Variants in CAMTA1 observed in about 807,000 individuals in gnomAD.
CAMTA1 encodes calmodulin binding transcription activator 1.
Under a neutral mutation model 170.9 loss-of-function variants are expected in CAMTA1, and 27 were observed. The observed-to-expected ratio is 0.16, with a 90% confidence interval of 0.12 to 0.22. The LOEUF is 0.22. Ranked by LOEUF, CAMTA1 falls within the 10% of genes least tolerant of loss-of-function variation. The probability of loss-of-function intolerance (pLI) is 1.00; values close to 1 mark genes in which losing one functional copy is unlikely to be tolerated. For missense variants in CAMTA1, 1,619 were observed against 2,217.2 expected (o/e 0.73, Z 5.42); for synonymous variants, 833 against 891.5 (o/e 0.93, Z 1.17).
At chr1:7,625,709 G>A (rs142784092) in intron 6 of CAMTA1, among the ~76,000 whole-genome samples, 145 of 152,362 alleles carry the variant, frequency 9.5e-4, no homozygotes, top group Middle Eastern at 3.4e-3. Context: ...AGGATGTGGC[G>A]ATGAAGATGG....
At chr1:7,404,278 GC>G (rs1290742555) in intron 5 of CAMTA1, among the ~76,000 whole-genome samples, 2 of 152,196 alleles carry the variant, frequency 1.3e-5, no homozygotes, top group Non-Finnish European at 2.9e-5. Flanking sequence ...CCCGGAAGAT[GC>G]CTTTGTACTT....
intron 6 of CAMTA1, among the ~76,000 whole-genome samples, chr1:7,477,629 GAA>G (rs1244206923): frequency 6.6e-6 from 1 of 152,186 alleles, no homozygotes; most frequent in African/African-American, 2.4e-5. Context: ...TCCTCTCTGA[GAA>G]AAGTCACTGG....
intron 4 of CAMTA1, among the ~76,000 whole-genome samples, chr1:7,109,243 A>G (rs1643875226): frequency 6.6e-6 from 1 of 152,222 alleles, no homozygotes; most frequent in African/African-American, 2.4e-5. Context: ...AGCTGACCCA[A>G]AAGGGTGTGG....
chr1:7,434,971 G>A (rs778841838), intron 5 of CAMTA1, among the ~76,000 whole-genome samples: 87 of 151,976 alleles, frequency 5.7e-4, no homozygotes, highest in Non-Finnish European at 1.1e-3. Flanking sequence ...AGGATCACCT[G>A]AGCCCAGGAG....
rs182280474 is a variant in CAMTA1, at chr1:7,617,705, C to T, written c.511-22695C>T. On this transcript the variant is annotated intron_variant, in intron 6 of 22. Transcript: ENST00000303635. Reference sequence around the variant, plus strand: ...GTCATGCACACCCACCCCCCCACCCCCATGCATACACATAAGGTCTAAGGT... The same window carrying T: ...GTCATGCACACCCACCCCCCCACCCTCATGCATACACATAAGGTCTAAGGT... Among the ~76,000 whole-genome samples, 350 of 148,110 alleles carry T rather than the reference C, an allele frequency of 2.4e-3. 1 individual carries two copies. The highest frequency in any genetic ancestry group is 8.5e-3 in the African/African-American group (340 of 40,008).
chr1:6,836,531 C>T (rs1404393300), intron 3 of CAMTA1, among the ~76,000 whole-genome samples: 2 of 152,178 alleles, frequency 1.3e-5, no homozygotes, highest in Middle Eastern at 3.4e-3. Context: ...ACTGGGAGGC[C>T]CTTCAGCTCT....
intron 5 of CAMTA1, among the ~76,000 whole-genome samples, chr1:7,417,133 G>T (rs1320748740): frequency 6.6e-6 from 1 of 152,240 alleles, no homozygotes; most frequent in South Asian, 2.1e-4. Flanking sequence ...TCGTTCCTCT[G>T]GAAGTTTTGT....
chr1:7,198,518 C>T (rs985296181), intron 4 of CAMTA1, among the ~76,000 whole-genome samples: 5 of 152,058 alleles, frequency 3.3e-5, no homozygotes, highest in Non-Finnish European at 5.9e-5. Context: ...GTCTCAGCAG[C>T]CCTGGGTGCT....
intron 5 of CAMTA1, chr1:7,389,293 C>T: frequency 1.2e-5 from 1 of 82,230 alleles, no homozygotes. Flanking sequence ...CCCATGGGCT[C>T]AGTCAGTGCT....
intron 5 of CAMTA1, among the ~76,000 whole-genome samples, chr1:7,329,955 C>T (rs938774744): frequency 2.6e-5 from 4 of 152,190 alleles, no homozygotes; most frequent in Admixed American, 2.0e-4. Flanking sequence ...ACCCTCCAGG[C>T]CCATGCTCAT....
intron 5 of CAMTA1, among the ~76,000 whole-genome samples, chr1:7,266,258 G>T (rs1319293258): frequency 6.6e-6 from 1 of 152,212 alleles, no homozygotes; most frequent in African/African-American, 2.4e-5. Flanking sequence ...GCCTGGCCAT[G>T]TGCCAGGGTG....
intron 4 of CAMTA1, among the ~76,000 whole-genome samples, chr1:7,239,156 T>C (rs536073452): frequency 6.6e-6 from 1 of 152,236 alleles, no homozygotes; most frequent in Non-Finnish European, 1.5e-5. Flanking sequence ...CTGTATAATT[T>C]CATCAGTAAA....
Position 7,680,861 on chromosome 1 carries a change from C to CGCGCCAGCAGCAGCAGCAGCAGCAGCAG in CAMTA1, c.2914+3128_2914+3129insGCGCCAGCAGCAGCAGCAGCAGCAGCAG, listed in dbSNP as rs1553247057. ...GAGAACACGCGCGCGCGCGCGCGCG[C>CGCGCCAGCAGCAGCAGCAGCAGCAGCAG]CAGCAGCAGCAGCAGCAGCAGCTGC... is the stretch of plus-strand genomic sequence containing the variant. On this transcript the variant is annotated intron_variant, in intron 11 of 22. Transcript: ENST00000303635. The surrounding 1 kb of genome is among the most constrained non-coding windows in gnomAD (Gnocchi z 4.4). Among the ~76,000 whole-genome samples the CGCGCCAGCAGCAGCAGCAGCAGCAGCAG allele has an allele frequency of 1.1e-4, 15 of 136,566 alleles. No individual in the cohort carries two copies. Among genetic ancestry groups the CGCGCCAGCAGCAGCAGCAGCAGCAGCAG allele is most frequent in the Admixed American group, 7.8e-4 (11 of 14,072 alleles). The allele number at this position is 136,566 out of a possible 152,430, so 89.6% of individuals were successfully genotyped here.
intron 3 of CAMTA1, among the ~76,000 whole-genome samples, chr1:6,897,994 CTG>C (rs1676026534): frequency 6.6e-6 from 1 of 152,190 alleles, no homozygotes; most frequent in Non-Finnish European, 1.5e-5. Context: ...TTTGCAGACA[CTG>C]TGTTTAGTGG....
chr1:6,843,775 C>T (rs962272454), intron 3 of CAMTA1, among the ~76,000 whole-genome samples: 3 of 152,142 alleles, frequency 2.0e-5, no homozygotes, highest in Non-Finnish European at 2.9e-5. Flanking sequence ...CCACTGCGCC[C>T]GGCCCCAAAC....
At chr1:7,277,116 G>A (rs766449652) in intron 5 of CAMTA1, among the ~76,000 whole-genome samples, 1 of 152,194 alleles carries the variant, frequency 6.6e-6, no homozygotes, top group Non-Finnish European at 1.5e-5. Context: ...GGAAGACTCA[G>A]TGTTGTTAAG....
intron 1 of CAMTA1, among the ~76,000 whole-genome samples, chr1:6,808,481 T>G (rs77230166): frequency 0.017 from 2,538 of 152,292 alleles, 31 homozygotes; most frequent in South Asian, 0.033. Context: ...TTGCTGACTT[T>G]CTGTGTCTTC....
At chr1:7,035,348 C>T (rs186377409) in intron 3 of CAMTA1, among the ~76,000 whole-genome samples, 4 of 151,698 alleles carry the variant, frequency 2.6e-5, no homozygotes, top group East Asian at 1.9e-4. Flanking sequence ...TGCAGTGAGC[C>T]GAGATTGCGC....
intron 3 of CAMTA1, among the ~76,000 whole-genome samples, chr1:6,853,398 T>C (rs1661148236): frequency 6.6e-6 from 1 of 152,092 alleles, no homozygotes; most frequent in Non-Finnish European, 1.5e-5. Context: ...ATCTCTAAGA[T>C]AGTCATTAAA....
Sources: allele counts gnomAD v4.1 joint callset (sites outside exome capture counted in the v4.1 genomes callset), GRCh38; gene constraint gnomAD v4.1.1; non-coding constraint Gnocchi (gnomAD v3.1); transcripts MANE v1.5; gene names NCBI Gene and HGNC (gene_info 2026-07-23, HGNC 2026-07-21).